The following ZMAT4 variants were observed in gnomAD, a reference collection of about 807,000 sequenced individuals.
The protein encoded by ZMAT4 is zinc finger matrin-type protein 4.
A neutral mutation model predicts 28.7 loss-of-function variants in ZMAT4; 17 were observed. The ratio of observed to expected loss-of-function variants is 0.59; its 90% CI spans 0.41 to 0.89. The LOEUF (loss-of-function observed/expected upper bound fraction) is 0.89. Ranked by LOEUF, ZMAT4 falls within the 40% of genes least tolerant of loss-of-function variation. The probability of loss-of-function intolerance (pLI) is 0.00; values close to 1 mark genes in which losing one functional copy is unlikely to be tolerated. For synonymous variants in ZMAT4, 117 were observed against 109.2 expected (o/e 1.07, Z -0.44); for missense variants, 240 against 283.8 (o/e 0.85, Z 1.11).
At chr8:40,732,968 G>A (rs1042462006) in intron 3 of ZMAT4, among the ~76,000 whole-genome samples, 1 of 146,452 alleles carries the variant, frequency 6.8e-6, no homozygotes, top group Non-Finnish European at 1.5e-5. Flanking sequence ...ACCTCACCCT[G>A]CCAAGTAGCT....
chr8:40,628,417 T>C (rs1449452124), intron 5 of ZMAT4, among the ~76,000 whole-genome samples: 1 of 152,178 alleles, frequency 6.6e-6, no homozygotes, highest in African/African-American at 2.4e-5. Context: ...GTAATAACCT[T>C]ATGAAGTGTG....
chr8:40,887,881 C>G (rs1328697076), intron 1 of ZMAT4, among the ~76,000 whole-genome samples: 2 of 152,178 alleles, frequency 1.3e-5, no homozygotes, highest in Non-Finnish European at 2.9e-5. Context: ...CCCTCCCATC[C>G]CCTTGTGGAG....
At chr8:40,795,444 C>T (rs527386521) in intron 2 of ZMAT4, among the ~76,000 whole-genome samples, 7 of 152,324 alleles carry the variant, frequency 4.6e-5, no homozygotes, top group Admixed American at 4.6e-4. Flanking sequence ...AGTGCAATTT[C>T]TGGCCAACAT....
rs539519800 is a variant in ZMAT4 at position 40,786,557 on chromosome 8, A to T, written c.103-18827T>A. 2.3e-5 allele frequency: 12 copies of T among 520,844 alleles called. No homozygotes were observed. In the East Asian group the frequency reaches 4.3e-4, roughly 19 times the overall value. The allele number at this position is 520,844 out of a possible 1,614,324, so 32.3% of individuals were successfully genotyped here. Reference sequence around the variant, plus strand: ...TCTGGAATGTGAAGTATTTTGGTTGAGTTATTGCTACCAAAACAAAGAACA... The same window carrying T: ...TCTGGAATGTGAAGTATTTTGGTTGTGTTATTGCTACCAAAACAAAGAACA... On this transcript the variant is annotated intron_variant, in intron 2 of 6. Coordinates refer to ENST00000297737, the MANE Select transcript of ZMAT4 (RefSeq NM_024645.3).
At chr8:40,752,188 G>A (rs1250582723) in intron 3 of ZMAT4, among the ~76,000 whole-genome samples, 3 of 152,136 alleles carry the variant, frequency 2.0e-5, no homozygotes, top group African/African-American at 7.2e-5. Context: ...TGTGACACCA[G>A]GGTGCCCTCT....
At chr8:40,607,897 C>T (rs1384869281) in intron 5 of ZMAT4, among the ~76,000 whole-genome samples, 3 of 152,088 alleles carry the variant, frequency 2.0e-5, no homozygotes, top group East Asian at 1.9e-4. Context: ...TCAGGTCTCT[C>T]AGCCATGGAT....
chr8:40,887,093 C>T (rs1462917300), intron 1 of ZMAT4, among the ~76,000 whole-genome samples: 1 of 151,098 alleles, frequency 6.6e-6, no homozygotes, highest in Non-Finnish European at 1.5e-5. Context: ...ATGGCGTGAA[C>T]CCAGGAGGCG....
intron 5 of ZMAT4, among the ~76,000 whole-genome samples, chr8:40,612,017 A>T (rs763528588): frequency 2.0e-5 from 3 of 152,180 alleles, no homozygotes; most frequent in Non-Finnish European, 4.4e-5. Context: ...GAGCATGGGC[A>T]TTGGGATGGG....
At chr8:40,861,656 T>A (rs1259708295) in intron 1 of ZMAT4, among the ~76,000 whole-genome samples, 1 of 152,160 alleles carries the variant, frequency 6.6e-6, no homozygotes, top group Non-Finnish European at 1.5e-5. Context: ...GAGAAAGTTT[T>A]TGCAATCTAC....
At chr8:40,707,081 C>CTAGTTG (rs1215485555) in intron 3 of ZMAT4, among the ~76,000 whole-genome samples, 26 of 152,146 alleles carry the variant, frequency 1.7e-4, no homozygotes, top group African/African-American at 6.3e-4. Flanking sequence ...ATGGTTCACT[C>CTAGTTG]CAACTAGAAA....
rs916629305 is a variant in ZMAT4, at chr8:40,626,114, A to G, written c.578-44853T>C. Among the ~76,000 whole-genome samples the G allele has an allele frequency of 0.019, 8 of 416 alleles. No homozygotes were observed. In the Admixed American group the frequency reaches 0.22, roughly 12 times the overall value. The allele number at this position is 416 out of a possible 152,430, so 0.3% of individuals were successfully genotyped here. A position where few individuals can be genotyped will look rare whatever the true frequency, so the allele number is the denominator to read the frequency against. ...AACAAGAGCAAAACTCTGCCTCAGA[A>G]AAAAAAAAAAAAAAAAGACTGGATT... On this transcript the variant is annotated intron_variant, in intron 5 of 6. Transcript: ENST00000297737.
chr8:40,858,005 G>C (rs1050100061), intron 1 of ZMAT4, among the ~76,000 whole-genome samples: 1 of 152,214 alleles, frequency 6.6e-6, no homozygotes, highest in African/African-American at 2.4e-5. Context: ...ATTGCCTCTG[G>C]GGAATGGGAG....
chr8:40,728,655 AAG>A (rs896734822), intron 3 of ZMAT4, among the ~76,000 whole-genome samples: 4 of 152,208 alleles, frequency 2.6e-5, no homozygotes, highest in African/African-American at 9.6e-5. Context: ...AGGATGGGGA[AAG>A]AGAGAGTCAG....
At chr8:40,882,575 C>G (rs1163141161) in intron 1 of ZMAT4, among the ~76,000 whole-genome samples, 1 of 152,192 alleles carries the variant, frequency 6.6e-6, no homozygotes, top group African/African-American at 2.4e-5. Flanking sequence ...GCCTGGCACA[C>G]CGGGAGAGAG....
At chr8:40,809,846 C>G (rs902222576) in intron 2 of ZMAT4, among the ~76,000 whole-genome samples, 2 of 152,080 alleles carry the variant, frequency 1.3e-5, no homozygotes, top group African/African-American at 4.8e-5. Flanking sequence ...GAGTTCAAGA[C>G]CAGCCTGGCC....
At chr8:40,782,929 G>A (rs114815984) in intron 2 of ZMAT4, among the ~76,000 whole-genome samples, 15 of 152,316 alleles carry the variant, frequency 9.8e-5, no homozygotes, top group African/African-American at 3.4e-4. Flanking sequence ...TGTTCCCCAA[G>A]GAAGTGGAGA....
chr8:40,577,177 A>G (rs1181059626), intron 6 of ZMAT4, among the ~76,000 whole-genome samples: 7 of 152,126 alleles, frequency 4.6e-5, no homozygotes, highest in Admixed American at 2.6e-4. Context: ...CTGGGGAACA[A>G]GAGTGAAACT....
At chr8:40,856,365 C>A (rs565816485) in intron 1 of ZMAT4, among the ~76,000 whole-genome samples, 2 of 152,002 alleles carry the variant, frequency 1.3e-5, no homozygotes, top group Non-Finnish European at 2.9e-5. Context: ...AAAAAGAAAG[C>A]AAAAGGAAGA....
intron 5 of ZMAT4, among the ~76,000 whole-genome samples, chr8:40,627,880 G>A (rs1806431768): frequency 6.6e-6 from 1 of 152,168 alleles, no homozygotes; most frequent in Non-Finnish European, 1.5e-5. Flanking sequence ...AGCTGTGAAG[G>A]CAGGAGCCTG....
Sources: allele counts gnomAD v4.1 joint callset (sites outside exome capture counted in the v4.1 genomes callset), GRCh38; gene constraint gnomAD v4.1.1; transcripts MANE v1.5; gene names NCBI Gene and HGNC (gene_info 2026-07-23, HGNC 2026-07-21).